The following AGBL4 variants were observed in gnomAD, a reference collection of about 807,000 sequenced individuals.
AGBL4 encodes cytosolic carboxypeptidase 6.
Under a neutral mutation model 66.4 loss-of-function variants are expected in AGBL4, and 58 were observed. That is an observed-to-expected ratio of 0.87 (90% CI 0.71 to 1.09). The LOEUF (loss-of-function observed/expected upper bound fraction) is 1.09, where lower values mean the gene tolerates loss of function less well. Among genes scored for constraint, AGBL4 ranks in the 50% least tolerant of loss-of-function variants. The pLI, the probability that AGBL4 is intolerant of heterozygous loss-of-function variation, is 0.00. For synonymous variants in AGBL4, 234 were observed against 222.9 expected (o/e 1.05, Z -0.44); for missense variants, 579 against 631.0 (o/e 0.92, Z 0.88).
At chr1:49,275,592 A>G (rs974318638) in intron 3 of AGBL4, among the ~76,000 whole-genome samples, 1 of 152,204 alleles carries the variant, frequency 6.6e-6, no homozygotes, top group South Asian at 2.1e-4. Flanking sequence ...TTATAATTTA[A>G]CCTTAGTAAA....
chr1:50,022,614 CCACA>C (rs10588611), intron 1 of AGBL4, among the ~76,000 whole-genome samples: 34,839 of 140,998 alleles, frequency 0.25, 4,796 homozygotes, highest in Middle Eastern at 0.34. Context: ...TGTACCATAA[CCACA>C]CACACACACA....
rs186044652 is a variant in AGBL4, at chr1:49,570,235, C to T, written c.282+127078G>A. 2.6e-5 allele frequency among the ~76,000 whole-genome samples: 4 copies of T among 152,208 alleles called. No individual in the cohort carries two copies. The East Asian group carries it at 7.7e-4, about 29-fold the overall frequency. ...TATTCCATTTTCTCCACACCTTCACCAACATCTGTTGCTGACTTTTTAATA... is the reference window on the plus strand; with the variant it reads ...TATTCCATTTTCTCCACACCTTCACTAACATCTGTTGCTGACTTTTTAATA... On this transcript the variant is annotated intron_variant, in intron 3 of 13. Transcript: ENST00000371839.
In AGBL4 at chr1:49,561,349, T is replaced by G. The variant is rs538420172; in HGVS notation, c.282+135964A>C. On this transcript the variant is annotated intron_variant, in intron 3 of 13. Transcript: ENST00000371839. ...ATGTACCCTAAAGTTTTAGGGTACA[T>G]GTGCACAACATGCAGGTTACATATG... is the stretch of plus-strand genomic sequence containing the variant. 4.6e-5 allele frequency among the ~76,000 whole-genome samples: 7 copies of G among 152,016 alleles called. No homozygotes were observed. The East Asian group carries it at 1.4e-3, about 29-fold the overall frequency.
chr1:49,520,281 G>A (rs896026943), intron 3 of AGBL4, among the ~76,000 whole-genome samples: 1 of 151,984 alleles, frequency 6.6e-6, no homozygotes, highest in South Asian at 2.1e-4. Context: ...CTATGAAAAT[G>A]TTTTGAGACT....
intron 3 of AGBL4, among the ~76,000 whole-genome samples, chr1:49,547,696 A>C (rs952275262): frequency 2.0e-5 from 3 of 151,876 alleles, no homozygotes; most frequent in African/African-American, 7.3e-5. Flanking sequence ...TTTTCCTTGG[A>C]GAGGTTTTTC....
At chr1:49,887,535 T>A (rs1164969147) in intron 1 of AGBL4, among the ~76,000 whole-genome samples, 2 of 152,126 alleles carry the variant, frequency 1.3e-5, no homozygotes, top group Non-Finnish European at 2.9e-5. Context: ...TAAAAATGTG[T>A]ATTTATGCCA....
Position 49,522,933 on chromosome 1 carries a change from G to C in AGBL4, c.282+174380C>G, listed in dbSNP as rs562755509. Among the ~76,000 whole-genome samples the C allele has an allele frequency of 7.2e-5, 11 of 152,142 alleles. No homozygotes were observed. The South Asian group carries it at 2.3e-3, about 32-fold the overall frequency. ...CAGTGCTTGCCCTCTGCTCAGCAAA[G>C]GTGTACCTGCCCCTTGGAAATGTTC... On this transcript the variant is annotated intron_variant, in intron 3 of 13. Transcript: ENST00000371839.
chr1:49,422,012 CCTCT>C, intron 3 of AGBL4, among the ~76,000 whole-genome samples: 1 of 152,172 alleles, frequency 6.6e-6, no homozygotes, highest in African/African-American at 2.4e-5. Flanking sequence ...TTTTGAAATC[CCTCT>C]CTGAGCCAAA....
chr1:49,978,031 C>T (rs1270450593), intron 1 of AGBL4, among the ~76,000 whole-genome samples: 1 of 152,120 alleles, frequency 6.6e-6, no homozygotes, highest in Non-Finnish European at 1.5e-5. Context: ...TTTCAACGTG[C>T]CTGAAAATGA....
At chr1:49,110,512 A>G (rs1461088449) in intron 4 of AGBL4, among the ~76,000 whole-genome samples, 1 of 152,148 alleles carries the variant, frequency 6.6e-6, no homozygotes, top group African/African-American at 2.4e-5. Flanking sequence ...TTATTCCCTC[A>G]GCCAAAGTTA....
chr1:49,257,084 AAGAT>A (rs1187778605), intron 3 of AGBL4, among the ~76,000 whole-genome samples: 1 of 152,106 alleles, frequency 6.6e-6, no homozygotes, highest in Non-Finnish European at 1.5e-5. Flanking sequence ...TATGAAGGAA[AAGAT>A]AGACATATTT....
chr1:49,561,483 C>A (rs1305494), intron 3 of AGBL4, among the ~76,000 whole-genome samples: 1 of 150,852 alleles, frequency 6.6e-6, no homozygotes, highest in African/African-American at 2.4e-5. Flanking sequence ...ACAGTCCCCA[C>A]TGTGTGATGT....
At chr1:49,982,147 T>C (rs1414831910) in intron 1 of AGBL4, among the ~76,000 whole-genome samples, 1 of 152,184 alleles carries the variant, frequency 6.6e-6, no homozygotes, top group Non-Finnish European at 1.5e-5. Context: ...TTAAGATGTG[T>C]TCAAAATTAA....
At chr1:49,487,062 A>C (rs1366593703) in intron 3 of AGBL4, among the ~76,000 whole-genome samples, 1 of 151,972 alleles carries the variant, frequency 6.6e-6, no homozygotes, top group South Asian at 2.1e-4. Context: ...AAAACAGAAA[A>C]ATAATTAAAT....
chr1:49,603,108 GC>G (rs1253326029), intron 3 of AGBL4, among the ~76,000 whole-genome samples: 1 of 152,040 alleles, frequency 6.6e-6, no homozygotes, highest in Non-Finnish European at 1.5e-5. Context: ...CTCCAGCTAA[GC>G]CTTTCAAACC....
At chr1:48,969,536 C>A (rs1658737810) in intron 5 of AGBL4, among the ~76,000 whole-genome samples, 1 of 151,904 alleles carries the variant, frequency 6.6e-6, no homozygotes, top group African/African-American at 2.4e-5. Context: ...TAATAGATAT[C>A]CATGAAATAG....
At chr1:49,996,245 A>G (rs1178115028) in intron 1 of AGBL4, 1 of 152,214 alleles carries the variant, frequency 6.6e-6, no homozygotes, top group Non-Finnish European at 1.5e-5. Context: ...AAAAAGAATC[A>G]GGTCAATTAT....
At chr1:49,252,865 A>G (rs1359703137) in intron 3 of AGBL4, among the ~76,000 whole-genome samples, 2 of 152,196 alleles carry the variant, frequency 1.3e-5, no homozygotes, top group Non-Finnish European at 2.9e-5. Flanking sequence ...TGCTGAGGAA[A>G]TTTGGTACTA....
chr1:49,422,147 A>T (rs1256257145), intron 3 of AGBL4, among the ~76,000 whole-genome samples: 1 of 152,200 alleles, frequency 6.6e-6, no homozygotes, highest in Non-Finnish European at 1.5e-5. Flanking sequence ...TTTTTAGACC[A>T]ATTTCAGCAA....
Sources: gnomAD v4.1 joint callset for allele counts (sites outside exome capture counted in the v4.1 genomes callset) on GRCh38, gnomAD v4.1.1 for gene constraint, MANE v1.5 for transcripts, NCBI Gene and HGNC (gene_info 2026-07-23, HGNC 2026-07-21) for gene names.